The following NELL1 variants were observed in gnomAD, a reference collection of about 807,000 sequenced individuals.
NELL1 encodes the protein protein kinase C-binding protein NELL1.
In NELL1, 76 loss-of-function variants were observed where a neutral mutation model predicts 107.4. That is an observed-to-expected ratio of 0.71 (90% confidence interval 0.59 to 0.86). The LOEUF (loss-of-function observed/expected upper bound fraction) is 0.86. NELL1 is among the 40% of genes least tolerant of loss of function. The pLI, the probability that NELL1 is intolerant of heterozygous loss-of-function variation, is 0.00. For synonymous variants in NELL1, 353 were observed against 341.2 expected, an observed-to-expected ratio of 1.03 and a Z score of -0.38; for missense variants, 1,024 against 1,005.5, an observed-to-expected ratio of 1.02 and a Z score of -0.25.
At chr11:20,895,271 C>CA (rs1156409312) in intron 5 of NELL1, among the ~76,000 whole-genome samples, 649 of 10,482 alleles carry the variant, frequency 0.062, 254 homozygotes, top group Non-Finnish European at 0.087. Context: ...GACTCCGTCT[C>CA]AAAAAAAAAA....
intron 2 of NELL1, among the ~76,000 whole-genome samples, chr11:20,699,266 A>G (rs1206557523): frequency 6.6e-6 from 1 of 151,726 alleles, no homozygotes; most frequent in Non-Finnish European, 1.5e-5. Flanking sequence ...ACGGTCTCCA[A>G]CTCCATCCAT....
intron 15 of NELL1, among the ~76,000 whole-genome samples, chr11:21,457,090 A>G (rs140610683): frequency 6.0e-4 from 91 of 152,290 alleles, no homozygotes; most frequent in African/African-American, 2.0e-3. Flanking sequence ...GTCTTCTAGA[A>G]CTGAGTAGGA....
intron 10 of NELL1, among the ~76,000 whole-genome samples, chr11:20,938,936 C>CTG (rs1341026131): frequency 0.033 from 1,418 of 42,356 alleles, 21 homozygotes; most frequent in African/African-American, 0.065. Context: ...CTCTCTCTCT[C>CTG]TCTCTGTGTG....
chr11:20,885,425 G>A lies in NELL1; in HGVS notation c.507-19G>A. 4 of 1,505,208 alleles carry A rather than the reference G, an allele frequency of 2.7e-6. No individual in the cohort carries two copies. Among genetic ancestry groups the A allele is most frequent in the Non-Finnish European group, 3.7e-6 (4 of 1,080,872 alleles). 93.2% of individuals were successfully genotyped at this position (1,505,208 alleles called of 1,614,324 possible). A position where few individuals can be genotyped will look rare whatever the true frequency, so the allele number is the denominator to read the frequency against. On this transcript the variant is annotated intron_variant, in intron 4 of 19. Coordinates refer to ENST00000357134, the MANE Select transcript of NELL1 (RefSeq NM_006157.5). ...GCTTTGAGCCTCTCTATTAGTAACTGTGTTCTTTGCCTTTACAGGATTTAT... is the reference window on the plus strand; with the variant it reads ...GCTTTGAGCCTCTCTATTAGTAACTATGTTCTTTGCCTTTACAGGATTTAT...
At chr11:21,310,272 A>G (rs115249263) in intron 14 of NELL1, among the ~76,000 whole-genome samples, 2,842 of 152,194 alleles carry the variant, frequency 0.019, 89 homozygotes, top group African/African-American at 0.066. Flanking sequence ...CCTAATAAAT[A>G]ATACTAACAT....
At chr11:20,675,526 C>T (rs979959851) in intron 1 of NELL1, among the ~76,000 whole-genome samples, 2 of 152,144 alleles carry the variant, frequency 1.3e-5, no homozygotes, top group African/African-American at 2.4e-5. Flanking sequence ...GGCACTTGGG[C>T]GACAGGGGTG....
At chr11:21,314,380 TA>T (rs1340967193) in intron 14 of NELL1, among the ~76,000 whole-genome samples, 1 of 152,186 alleles carries the variant, frequency 6.6e-6, no homozygotes, top group African/African-American at 2.4e-5. Flanking sequence ...TTGATCTTTT[TA>T]GACTTCTTGC....
At position 21,564,499 on chromosome 11, in the gene NELL1, T is replaced by C. The variant is rs112465987; in HGVS notation, c.1980+4117T>C. Among the ~76,000 whole-genome samples, 9 of 152,104 alleles carry C rather than the reference T, an allele frequency of 5.9e-5. 1 individual carries two copies. The highest frequency in any genetic ancestry group is 2.2e-4 in the African/African-American group (9 of 41,534). ...TCTGCAAGTTGGGCTTGTATACTAC[T>C]ACATCTATACCTACATGTACACTTA... is the stretch of plus-strand genomic sequence containing the variant. On this transcript the variant is annotated intron_variant, in intron 17 of 19. Transcript: ENST00000357134.
At chr11:21,019,549 A>G (rs1322060853) in intron 12 of NELL1, among the ~76,000 whole-genome samples, 1 of 152,006 alleles carries the variant, frequency 6.6e-6, no homozygotes, top group Non-Finnish European at 1.5e-5. Flanking sequence ...CAGGGGACAT[A>G]TGAAAATGTC....
chr11:20,989,451 C>T (rs965413949), intron 12 of NELL1, among the ~76,000 whole-genome samples: 36 of 152,328 alleles, frequency 2.4e-4, no homozygotes, highest in African/African-American at 8.7e-4. Context: ...CCAGGTCCTT[C>T]TCCCATTCTC....
rs1161773834 is a variant in NELL1 at position 21,336,667 on chromosome 11, A to G, written c.1550-34186A>G. Among the ~76,000 whole-genome samples, 24 of 97,860 alleles carry G rather than the reference A, an allele frequency of 2.5e-4. No homozygotes were observed. In the South Asian group the frequency reaches 0.01, roughly 41 times the overall value. The allele number at this position is 97,860 out of a possible 152,430, so 64.2% of individuals were successfully genotyped here. ...TATGTGTGTGTATATATATATATAT[A>G]TATATATACACACACACACACACAT... On this transcript the variant is annotated intron_variant, in intron 14 of 19. Transcript: ENST00000357134.
intron 12 of NELL1, among the ~76,000 whole-genome samples, chr11:21,016,509 G>A (rs1159412292): frequency 6.6e-6 from 1 of 152,050 alleles, no homozygotes; most frequent in Non-Finnish European, 1.5e-5. Context: ...TCTAGCCATA[G>A]TGAAGATATC....
At chr11:20,881,926 C>T (rs16906983) in intron 4 of NELL1, among the ~76,000 whole-genome samples, 5,294 of 152,254 alleles carry the variant, frequency 0.035, 312 homozygotes, top group African/African-American at 0.12. Flanking sequence ...GTGAAGGAAA[C>T]CTCGTTAACC....
intron 11 of NELL1, among the ~76,000 whole-genome samples, chr11:20,958,410 C>G (rs983812284): frequency 2.6e-5 from 4 of 152,088 alleles, no homozygotes; most frequent in African/African-American, 9.7e-5. Context: ...GAGACTCTGT[C>G]TCAAAATAAC....
intron 14 of NELL1, among the ~76,000 whole-genome samples, chr11:21,290,789 G>C (rs1256856588): frequency 6.6e-6 from 1 of 152,154 alleles, no homozygotes; most frequent in African/African-American, 2.4e-5. Context: ...GAAAGGAATA[G>C]CATCAACATC....
At chr11:21,085,116 C>T (rs75700226) in intron 12 of NELL1, among the ~76,000 whole-genome samples, 6,157 of 152,202 alleles carry the variant, frequency 0.04, 274 homozygotes, top group South Asian at 0.12. Context: ...TCTGTGTTTA[C>T]ATGTTTAGCT....
intron 15 of NELL1, among the ~76,000 whole-genome samples, chr11:21,476,432 G>A (rs188203008): frequency 1.2e-4 from 18 of 152,136 alleles, no homozygotes; most frequent in Admixed American, 1.2e-3. Flanking sequence ...AAATAGACTG[G>A]ATGGAGTACA....
At chr11:20,921,850 G>A (rs1391309013) in intron 7 of NELL1, among the ~76,000 whole-genome samples, 1 of 142,200 alleles carries the variant, frequency 7.0e-6, no homozygotes, top group Admixed American at 7.2e-5. Flanking sequence ...TTTTGGCTAT[G>A]AGCTGCTTGT....
intron 14 of NELL1, among the ~76,000 whole-genome samples, chr11:21,251,927 T>A (rs1565131335): frequency 6.6e-6 from 1 of 151,968 alleles, no homozygotes; most frequent in African/African-American, 2.4e-5. Context: ...TACCGGAAAA[T>A]CAAGGGCAAG....
Sources: allele counts gnomAD v4.1 joint callset (sites outside exome capture counted in the v4.1 genomes callset), GRCh38; gene constraint gnomAD v4.1.1; transcripts MANE v1.5; gene names NCBI Gene and HGNC (gene_info 2026-07-23, HGNC 2026-07-21).